Variants in SPHKAP observed in about 807,000 individuals in gnomAD.
SPHKAP encodes the protein SPHK1 interactor, AKAP domain containing, also known as A-kinase anchor protein SPHKAP.
A neutral mutation model predicts 137.5 loss-of-function variants in SPHKAP; 67 were observed. That is an observed-to-expected ratio of 0.49 (90% confidence interval 0.40 to 0.60). SPHKAP has a LOEUF of 0.60. Ranked by LOEUF, SPHKAP falls within the 20% of genes least tolerant of loss-of-function variation. The pLI is 0.00. For missense variants in SPHKAP, 2,097 were observed against 2,069.3 expected, an observed-to-expected ratio of 1.01 and a Z score of -0.26; for synonymous variants, 813 against 785.3, an observed-to-expected ratio of 1.04 and a Z score of -0.59.
At position 227,991,126 on chromosome 2, in the gene SPHKAP, G is replaced by A. The variant is rs1238606022; in HGVS notation, c.4833C>T (p.Ile1611=). Residue 1611 remains isoleucine, a synonymous_variant, in exon 11 of 12, where the codon ATC becomes ATT. Coordinates refer to ENST00000392056, the MANE Select transcript of SPHKAP (RefSeq NM_001142644.2). The part of the protein sequence containing the change: ...TASPQRSLLV[I]NFDLEPECPD... ...GACACTCTGGCTCCAGGTCAAAGTT[G>A]ATCACCAGCAGGCTCCTCTGGGGGC... 7 of 1,614,094 alleles carry A rather than the reference G, an allele frequency of 4.3e-6. No individual in the cohort carries two copies. The Admixed American group carries it at 1.2e-4, about 27-fold the overall frequency.
intron 1 of SPHKAP, among the ~76,000 whole-genome samples, chr2:228,150,202 A>G (rs1230517818): frequency 6.6e-6 from 1 of 152,160 alleles, no homozygotes; most frequent in Non-Finnish European, 1.5e-5. Flanking sequence ...TCTTTTTCAC[A>G]CGTTGTGGAA....
chr2:228,069,457 T>G (rs972940614), intron 3 of SPHKAP, among the ~76,000 whole-genome samples: 1 of 151,184 alleles, frequency 6.6e-6, no homozygotes, highest in Admixed American at 6.6e-5. Flanking sequence ...TTCTTTTTTT[T>G]TTTTTTTAGA....
intron 3 of SPHKAP, among the ~76,000 whole-genome samples, chr2:228,071,772 A>T (rs571651800): frequency 6.6e-6 from 1 of 151,716 alleles, no homozygotes; most frequent in African/African-American, 2.4e-5. Flanking sequence ...TCTATGGTAC[A>T]TATCAAGCAA....
Position 228,021,894 on chromosome 2 carries a change from T to A in SPHKAP, c.514A>T (p.Ile172Phe). 6.2e-7 allele frequency: 1 copy of A among 1,614,160 alleles called. No homozygotes were observed. The highest frequency in any genetic ancestry group is 8.5e-7 in the Non-Finnish European group (1 of 1,180,004). The stretch of plus-strand genomic sequence containing the variant: ...ATCAGAAATTTGTTGATTTCAAAGA[T>A]GATGCAGTTGGTACTGTTTGGTCTG... ...GNRPNSTNCI[I>F]FEINKFLIGL... is the part of the protein sequence containing the mutation. The change falls in exon 6 of 12, where the codon ATC (isoleucine) becomes TTC (phenylalanine). Residue 172 changes from isoleucine to phenylalanine, a missense_variant. Ile to Phe is a conservative substitution (Grantham distance 21). Coordinates refer to ENST00000392056, the MANE Select transcript of SPHKAP (RefSeq NM_001142644.2).
intron 3 of SPHKAP, among the ~76,000 whole-genome samples, chr2:228,095,076 C>T (rs1697937512): frequency 6.6e-6 from 1 of 152,108 alleles, no homozygotes; most frequent in African/African-American, 2.4e-5. Flanking sequence ...GTGTGTTTCT[C>T]AGGATTATAG....
At chr2:228,114,029 ATTTTGAAGCT>A (rs1466629380) in intron 2 of SPHKAP, among the ~76,000 whole-genome samples, 1 of 152,140 alleles carries the variant, frequency 6.6e-6, no homozygotes, top group Non-Finnish European at 1.5e-5. Context: ...GAATTCAACA[ATTTTGAAGCT>A]TTATGAATAT....
intron 2 of SPHKAP, among the ~76,000 whole-genome samples, chr2:228,121,417 G>T (rs1698900234): frequency 6.6e-6 from 1 of 152,212 alleles, no homozygotes; most frequent in Non-Finnish European, 1.5e-5. Flanking sequence ...TCAGGAGGCT[G>T]AGGTGGGAGG....
At chr2:228,028,491 G>A (rs1265853965) in intron 3 of SPHKAP, among the ~76,000 whole-genome samples, 1 of 152,190 alleles carries the variant, frequency 6.6e-6, no homozygotes, top group Non-Finnish European at 1.5e-5. Flanking sequence ...GTCATATGTT[G>A]CATAATGAAC....
At chr2:228,004,820 T>G (rs1376894537) in intron 7 of SPHKAP, among the ~76,000 whole-genome samples, 1 of 152,248 alleles carries the variant, frequency 6.6e-6, no homozygotes, top group Non-Finnish European at 1.5e-5. Flanking sequence ...ATGTACCCAG[T>G]AGTCATTCAG....
At chr2:228,010,580 C>G (rs896991441) in intron 7 of SPHKAP, among the ~76,000 whole-genome samples, 1 of 152,074 alleles carries the variant, frequency 6.6e-6, no homozygotes, top group Non-Finnish European at 1.5e-5. Context: ...AGTTGAGTTT[C>G]AATAACTTCA....
chr2:228,057,519 T>C (rs1421927489), intron 3 of SPHKAP, among the ~76,000 whole-genome samples: 1 of 151,938 alleles, frequency 6.6e-6, no homozygotes, highest in Non-Finnish European at 1.5e-5. Context: ...CAGAGGACAC[T>C]GAACGCAAAA....
intron 1 of SPHKAP, among the ~76,000 whole-genome samples, chr2:228,141,995 T>C (rs968138984): frequency 2.0e-5 from 3 of 152,216 alleles, no homozygotes; most frequent in Non-Finnish European, 4.4e-5. Context: ...CCGGTAGTTA[T>C]GGTTCTGTGG....
At chr2:228,011,091 C>A (rs1462698187) in intron 7 of SPHKAP, among the ~76,000 whole-genome samples, 1 of 152,210 alleles carries the variant, frequency 6.6e-6, no homozygotes. Context: ...TTTAAGGTAA[C>A]TTACCAGCTT....
intron 3 of SPHKAP, among the ~76,000 whole-genome samples, chr2:228,105,633 G>A (rs1698316949): frequency 6.6e-6 from 1 of 152,194 alleles, no homozygotes; most frequent in African/African-American, 2.4e-5. Flanking sequence ...CATGTGTTGT[G>A]AGAGGGACCC....
intron 3 of SPHKAP, among the ~76,000 whole-genome samples, chr2:228,065,306 G>A (rs1696789785): frequency 1.3e-5 from 2 of 152,190 alleles, no homozygotes; most frequent in Admixed American, 6.5e-5. Flanking sequence ...TAGCTTGAAA[G>A]TAGAGCAAAA....
At chr2:228,157,126 A>G (rs1700130020) in intron 1 of SPHKAP, among the ~76,000 whole-genome samples, 1 of 152,198 alleles carries the variant, frequency 6.6e-6, no homozygotes, top group Admixed American at 6.5e-5. Flanking sequence ...TAAAATATGT[A>G]AGATATGAAG....
At chr2:228,148,016 T>G (rs761580851) in intron 1 of SPHKAP, among the ~76,000 whole-genome samples, 2 of 152,202 alleles carry the variant, frequency 1.3e-5, no homozygotes, top group Admixed American at 1.3e-4. Context: ...CTCCGGCCTG[T>G]GCTCTTTCCT....
At chr2:228,002,780 A>C (rs1189709184) in intron 7 of SPHKAP, among the ~76,000 whole-genome samples, 3 of 152,180 alleles carry the variant, frequency 2.0e-5, no homozygotes, top group Admixed American at 1.3e-4. Context: ...TCAGCTTTCT[A>C]CATATGGCTA....
chr2:228,005,488 C>A (rs1231455146), intron 7 of SPHKAP, among the ~76,000 whole-genome samples: 1 of 152,094 alleles, frequency 6.6e-6, no homozygotes, highest in East Asian at 1.9e-4. Context: ...ACTGATGGGT[C>A]TTGACTCTTT....
Sources: gnomAD v4.1 joint callset for allele counts (sites outside exome capture counted in the v4.1 genomes callset) on GRCh38, gnomAD v4.1.1 for gene constraint, MANE v1.5 for transcripts, NCBI Gene and HGNC (gene_info 2026-07-23, HGNC 2026-07-21) for gene names.